Variants in HIBCH observed in about 807,000 individuals in gnomAD.
HIBCH encodes the protein 3-hydroxyisobutyryl-CoA hydrolase, mitochondrial.
Under a neutral mutation model 58.2 loss-of-function variants are expected in HIBCH, and 50 were observed. The observed-to-expected ratio is 0.86, with a 90% CI of 0.68 to 1.09. The LOEUF (loss-of-function observed/expected upper bound fraction) is 1.09. Among genes scored for constraint, HIBCH ranks in the 50% least tolerant of loss-of-function variants. The probability of loss-of-function intolerance (pLI) is 0.00; values close to 1 mark genes in which losing one functional copy is unlikely to be tolerated. For synonymous variants in HIBCH, 151 were observed against 146.9 expected (o/e 1.03, Z -0.20); for missense variants, 450 against 449.7 (o/e 1.00, Z -0.01).
In HIBCH at chr2:190,217,379, G is replaced by C. The variant is rs1685584643; in HGVS notation, c.892-4304C>G. Among the ~76,000 whole-genome samples the C allele has an allele frequency of 6.6e-6, 1 of 152,168 alleles. No homozygotes were observed. Among genetic ancestry groups the C allele is most frequent in the Non-Finnish European group, 1.5e-5 (1 of 68,028 alleles). ...CATGCCTGTAATCCCAGCTACTTGG[G>C]AGGCTGAGGCAGGAGAATAGCTTGA... On this transcript the variant is annotated intron_variant, in intron 11 of 13. Coordinates refer to ENST00000359678, the MANE Select transcript of HIBCH (RefSeq NM_014362.4). This position sits in a 1 kb window ranked among gnomAD's most constrained non-coding sequence, Gnocchi z 4.6.
At chr2:190,245,160 C>T in intron 10 of HIBCH, 192 bp from the exon 11 acceptor site, 2 of 563,900 alleles carry the variant, frequency 3.5e-6, no homozygotes, top group Non-Finnish European at 6.4e-6. Context: ...CCTTCACTAA[C>T]ATAAAATAAA....
intron 7 of HIBCH, among the ~76,000 whole-genome samples, chr2:190,257,684 C>A (rs1421797955): frequency 1.1e-4 from 17 of 152,112 alleles, no homozygotes; most frequent in Admixed American, 9.8e-4. Flanking sequence ...TCTCACAGTT[C>A]TGGAGGCTGG....
At chr2:190,288,156 CTTTTTT>C (rs369704911) in intron 5 of HIBCH, among the ~76,000 whole-genome samples, 1,967 of 141,652 alleles carry the variant, frequency 0.014, 54 homozygotes, top group African/African-American at 0.043. Flanking sequence ...AAGACCCTAT[CTTTTTT>C]TTTTTTTTTT....
chr2:190,292,785 G>C (rs1016614657), intron 4 of HIBCH, among the ~76,000 whole-genome samples: 1 of 152,094 alleles, frequency 6.6e-6, no homozygotes, highest in Non-Finnish European at 1.5e-5. Flanking sequence ...AAGTTTTATC[G>C]CCTTTGGAAT....
chr2:190,311,985 A>G (rs896668214), intron 1 of HIBCH, among the ~76,000 whole-genome samples: 10 of 152,218 alleles, frequency 6.6e-5, no homozygotes, highest in Non-Finnish European at 1.3e-4. Context: ...ACAAACACGG[A>G]ATGTTGGAAA....
rs1686559411 is a variant in HIBCH, at chr2:190,244,871, A to G, written c.891+16T>C. Reference sequence around the variant, plus strand: ...TTCACTATGTTCACTCAGGGCAGAAAGGATTCCAATATTACCTTCAATTGC... The same window carrying G: ...TTCACTATGTTCACTCAGGGCAGAAGGGATTCCAATATTACCTTCAATTGC... On this transcript the variant is annotated intron_variant, in intron 11 of 13. Coordinates refer to ENST00000359678, the MANE Select transcript of HIBCH (RefSeq NM_014362.4). The G allele has an allele frequency of 6.4e-7, 1 of 1,551,666 alleles. No individual in the cohort carries two copies. Among genetic ancestry groups the G allele is most frequent in the Non-Finnish European group, 8.9e-7 (1 of 1,122,978 alleles).
chr2:190,295,592 G>T (rs1362780154), intron 3 of HIBCH, among the ~76,000 whole-genome samples: 2 of 152,196 alleles, frequency 1.3e-5, no homozygotes, highest in African/African-American at 4.8e-5. Context: ...GAATAAATAT[G>T]TAACGCACAA....
chr2:190,300,445 T>C (rs1166535967), intron 2 of HIBCH, among the ~76,000 whole-genome samples: 1 of 152,038 alleles, frequency 6.6e-6, no homozygotes, highest in Non-Finnish European at 1.5e-5. Flanking sequence ...TTTTAATATG[T>C]GGTTGGCTGC....
rs79649169 is a variant in HIBCH at position 190,216,776 on chromosome 2, C to T, written c.892-3701G>A. 0.028 allele frequency among the ~76,000 whole-genome samples: 4,202 copies of T among 152,252 alleles called. 101 individuals are homozygous for T. Among genetic ancestry groups the T allele is most frequent in the East Asian group, 0.14 (705 of 5,172 alleles). The stretch of plus-strand genomic sequence containing the variant: ...CGTGCTGGGGAGAAGTCTGCCAAGA[C>T]GCTTTGAGGTGGGATGTTTAAAAGT... On this transcript the variant is annotated intron_variant, in intron 11 of 13. Transcript: ENST00000359678. The surrounding 1 kb of genome is among the most constrained non-coding windows in gnomAD (Gnocchi z 4.2).
In HIBCH at chr2:190,212,880, T is replaced by C. The variant is rs1690543882; in HGVS notation, c.1011+76A>G. The C allele has an allele frequency of 1.5e-5, 19 of 1,283,832 alleles. No individual in the cohort carries two copies. In the East Asian group the frequency reaches 3.8e-4, roughly 26 times the overall value. The allele number at this position is 1,283,832 out of a possible 1,614,324, so 79.5% of individuals were successfully genotyped here. ...TTTTAATTTTCTTGTTTGCACTTAG[T>C]GTATTTTACAAGTTCTACAATAAAC... On this transcript the variant is annotated intron_variant, in intron 12 of 13. Transcript: ENST00000359678.
chr2:190,260,330 T>C (rs2105950900), intron 7 of HIBCH: 1 of 152,216 alleles, frequency 6.6e-6, no homozygotes, highest in East Asian at 1.9e-4. Context: ...TATGGATAAA[T>C]ATGACAAAAG....
downstream of HIBCH, chr2:190,199,658 TTC>T: frequency 7.5e-7 from 1 of 1,326,682 alleles, no homozygotes; most frequent in Non-Finnish European, 9.9e-7. Context: ...CTATTTTGCA[TTC>T]TGTAACTTCA....
rs1217828359 is a variant in HIBCH, at chr2:190,314,313, ATATATATGTATATATG to A, written c.36-3533_36-3518del. Among the ~76,000 whole-genome samples the A allele has an allele frequency of 1.1e-3, 15 of 13,738 alleles. 1 individual carries two copies. In the South Asian group the frequency reaches 0.11, roughly 103 times the overall value. 9.0% of individuals were successfully genotyped at this position (13,738 alleles called of 152,430 possible). Reference sequence around the variant, plus strand: ...TATGTATATATACATATATATGTGTATATATATGTATATATGTATATATACATATATATGTGTATAT... The same window carrying A: ...TATGTATATATACATATATATGTGTATATATATACATATATATGTGTATAT... On this transcript the variant is annotated intron_variant, in intron 1 of 13. Coordinates refer to ENST00000359678, the MANE Select transcript of HIBCH (RefSeq NM_014362.4).
rs529036508 is a variant in HIBCH at position 190,194,392 on chromosome 2, A to T, written c.*18-4395T>A. Among the ~76,000 whole-genome samples the T allele has an allele frequency of 1.1e-4, 17 of 151,440 alleles. 1 individual carries two copies. The highest frequency in any genetic ancestry group is 5.8e-4 in the East Asian group (3 of 5,176). On this transcript the variant is annotated intron_variant, in intron 1 of 1. Transcript: ENST00000399855. ...ATAGCATATAGTGGGTGTATTTTTT[A>T]AAAAAATAATAGACTGTTTTTCAGA...
chr2:190,192,502 C>CTA (rs1341184105), intron 1 of HIBCH, among the ~76,000 whole-genome samples: 2 of 137,952 alleles, frequency 1.4e-5, no homozygotes, highest in South Asian at 2.2e-4. Flanking sequence ...ATCTATATAT[C>CTA]TATATATATA....
intron 4 of HIBCH, among the ~76,000 whole-genome samples, chr2:190,292,474 T>C (rs1312084083): frequency 6.6e-6 from 1 of 152,082 alleles, no homozygotes; most frequent in Admixed American, 6.5e-5. Context: ...CCAGCTAATT[T>C]TTCTTTTTTG....
intron 7 of HIBCH, among the ~76,000 whole-genome samples, chr2:190,259,734 C>G (rs1334670975): frequency 4.6e-5 from 7 of 152,066 alleles, no homozygotes; most frequent in Non-Finnish European, 1.0e-4. Flanking sequence ...TTAGTTCAAA[C>G]AGTTTTTTAC....
chr2:190,271,265 CCATTATCT>C lies in HIBCH; in HGVS notation c.439-10039_439-10032del, dbSNP rs1687391131. Among the ~76,000 whole-genome samples the C allele has an allele frequency of 2.0e-5, 3 of 151,048 alleles. No individual in the cohort carries two copies. In the Admixed American group the frequency reaches 2.0e-4, roughly 10 times the overall value. The stretch of plus-strand genomic sequence containing the variant: ...CTATCTCCCTCTTAAATCTATCTAC[CCATTATCT>C]CTACCCTACTTTTTTTTTTTTTTTT... On this transcript the variant is annotated intron_variant, in intron 6 of 13. Coordinates refer to ENST00000359678, the MANE Select transcript of HIBCH (RefSeq NM_014362.4).
At chr2:190,272,774 C>A (rs2582771) in intron 6 of HIBCH, among the ~76,000 whole-genome samples, 3 of 151,818 alleles carry the variant, frequency 2.0e-5, no homozygotes, top group East Asian at 1.9e-4. Context: ...GCAGGGAGAC[C>A]GAAGGTAGTG....
Sources: gnomAD v4.1 joint callset for allele counts (sites outside exome capture counted in the v4.1 genomes callset) on GRCh38, gnomAD v4.1.1 for gene constraint, Gnocchi (gnomAD v3.1) non-coding constraint, MANE v1.5 for transcripts, NCBI Gene and HGNC (gene_info 2026-07-23, HGNC 2026-07-21) for gene names.